The following CDH12 variants were observed in gnomAD, a reference collection of about 807,000 sequenced individuals.
CDH12 encodes the protein cadherin-12.
A neutral mutation model predicts 74.1 loss-of-function variants in CDH12; 41 were observed. The ratio of observed to expected loss-of-function variants is 0.55; its 90% CI spans 0.43 to 0.72. CDH12 has a LOEUF of 0.72. Ranked by LOEUF, CDH12 falls within the 30% of genes least tolerant of loss-of-function variation. The pLI, the probability that CDH12 is intolerant of heterozygous loss-of-function variation, is 0.00. For synonymous variants in CDH12, 399 were observed against 355.0 expected, an observed-to-expected ratio of 1.12 and a Z score of -1.39; for missense variants, 945 against 977.2, an observed-to-expected ratio of 0.97 and a Z score of 0.44.
In CDH12 at chr5:22,770,455, T is replaced by C. The variant is rs571525589; in HGVS notation, c.-523+82603A>G. Reference sequence around the variant, plus strand: ...GCAAGAATTGAGTTTTTTGGTCCATTACAACCATAAAAATTCAAATAAAGT... The same window carrying C: ...GCAAGAATTGAGTTTTTTGGTCCATCACAACCATAAAAATTCAAATAAAGT... On this transcript the variant is annotated intron_variant, in intron 1 of 14. Coordinates refer to ENST00000382254, the MANE Select transcript of CDH12 (RefSeq NM_004061.5). 3.3e-5 allele frequency among the ~76,000 whole-genome samples: 5 copies of C among 152,280 alleles called. No homozygotes were observed. The East Asian group carries it at 9.6e-4, about 29-fold the overall frequency.
chr5:21,800,909 T>C (rs749948827), intron 10 of CDH12, among the ~76,000 whole-genome samples: 5 of 152,188 alleles, frequency 3.3e-5, no homozygotes, highest in African/African-American at 4.8e-5. Flanking sequence ...CCTTCCGCCA[T>C]GATTGTAAGT....
chr5:21,987,389 C>A (rs1026622417), intron 5 of CDH12, among the ~76,000 whole-genome samples: 9 of 152,048 alleles, frequency 5.9e-5, no homozygotes, highest in Admixed American at 1.3e-4. Context: ...GACAAAATGA[C>A]CTATGAATCA....
chr5:21,794,577 CCTT>C (rs1170691057), intron 10 of CDH12, among the ~76,000 whole-genome samples: 1 of 151,592 alleles, frequency 6.6e-6, no homozygotes, highest in East Asian at 1.9e-4. Flanking sequence ...CCATATCAAA[CCTT>C]CTGTTTTTCT....
chr5:22,562,089 G>A (rs1244545447), intron 1 of CDH12, among the ~76,000 whole-genome samples: 1 of 152,002 alleles, frequency 6.6e-6, no homozygotes, highest in Non-Finnish European at 1.5e-5. Context: ...AGGCCGAGGC[G>A]GGCGGATCAT....
At chr5:22,734,274 A>G (rs1478769975) in intron 1 of CDH12, among the ~76,000 whole-genome samples, 1 of 151,930 alleles carries the variant, frequency 6.6e-6, no homozygotes, top group Non-Finnish European at 1.5e-5. Flanking sequence ...GTAATTGTTC[A>G]GAATTTGGCT....
In CDH12 at chr5:21,754,124, TC is replaced by T. The variant is rs1744248993; in HGVS notation, c.1885+1466del. The stretch of plus-strand genomic sequence containing the variant: ...GGACAGGCAGTTGCTGGGCAGATGT[TC>T]CGGCAGAAATGATTTTGTATAAGGT... On this transcript the variant is annotated intron_variant, in intron 14 of 14. Coordinates refer to ENST00000382254, the MANE Select transcript of CDH12 (RefSeq NM_004061.5). Among the ~76,000 whole-genome samples the T allele has an allele frequency of 3.3e-5, 5 of 152,284 alleles. No individual in the cohort carries two copies. The Middle Eastern group carries it at 0.017, about 518-fold the overall frequency.
At chr5:22,450,031 T>C (rs1446052373) in intron 2 of CDH12, among the ~76,000 whole-genome samples, 1 of 152,040 alleles carries the variant, frequency 6.6e-6, no homozygotes, top group East Asian at 1.9e-4. Context: ...AAAAATACAA[T>C]AGATTAAACA....
At chr5:22,787,900 G>C (rs1240959883) in intron 1 of CDH12, among the ~76,000 whole-genome samples, 1 of 152,046 alleles carries the variant, frequency 6.6e-6, no homozygotes. Context: ...AGAAAAACCA[G>C]GTTTTTCTTG....
At chr5:22,135,209 C>CAAAAAAAAA (rs5866550) in intron 4 of CDH12, among the ~76,000 whole-genome samples, 10 of 119,340 alleles carry the variant, frequency 8.4e-5, no homozygotes, top group East Asian at 5.6e-4. Context: ...AACACATAAG[C>CAAAAAAAAA]AAAAAAAAAA....
intron 13 of CDH12, among the ~76,000 whole-genome samples, chr5:21,759,401 G>T (rs911352849): frequency 2.6e-5 from 4 of 151,288 alleles, no homozygotes; most frequent in African/African-American, 9.8e-5. Context: ...TGCAAACCAT[G>T]TCTCTCCCTC....
chr5:21,761,871 T>C (rs1744746679), intron 12 of CDH12, among the ~76,000 whole-genome samples: 1 of 152,190 alleles, frequency 6.6e-6, no homozygotes, highest in South Asian at 2.1e-4. Context: ...GTATGAATTT[T>C]GATTTCTTGT....
intron 2 of CDH12, among the ~76,000 whole-genome samples, chr5:22,498,671 A>C (rs965766397): frequency 6.6e-6 from 1 of 151,974 alleles, no homozygotes; most frequent in African/African-American, 2.4e-5. Context: ...TTATTTCTCA[A>C]ATCTAGTCTG....
chr5:22,391,729 C>T (rs1381137761), intron 3 of CDH12, among the ~76,000 whole-genome samples: 1 of 151,860 alleles, frequency 6.6e-6, no homozygotes, highest in African/African-American at 2.4e-5. Context: ...TGAATAAGCA[C>T]TCATTTAAAG....
chr5:22,497,638 C>CTTTTTTTTTTTTT (rs747466944), intron 2 of CDH12, among the ~76,000 whole-genome samples: 1 of 83,230 alleles, frequency 1.2e-5, no homozygotes, highest in Non-Finnish European at 2.1e-5. Context: ...TGTCGAATCT[C>CTTTTTTTTTTTTT]TTTTTTTTTT....
intron 9 of CDH12, among the ~76,000 whole-genome samples, chr5:21,813,212 C>T (rs11952635): frequency 0.58 from 88,745 of 152,006 alleles, 28,702 homozygotes; most frequent in Non-Finnish European, 0.72. Context: ...GGTGTGGTGG[C>T]TCATGCCTGT....
chr5:22,450,927 C>G (rs1203119028), intron 2 of CDH12, among the ~76,000 whole-genome samples: 9 of 132,582 alleles, frequency 6.8e-5, no homozygotes, highest in Admixed American at 6.4e-4. Flanking sequence ...ACTAGATTAT[C>G]TTTCTCAGAC....
At chr5:22,783,206 A>G (rs958894899) in intron 1 of CDH12, among the ~76,000 whole-genome samples, 1 of 152,140 alleles carries the variant, frequency 6.6e-6, no homozygotes, top group Non-Finnish European at 1.5e-5. Context: ...ATTTATAAAT[A>G]TGCACGTGCC....
intron 3 of CDH12, among the ~76,000 whole-genome samples, chr5:22,331,331 C>T (rs1022982861): frequency 3.0e-4 from 45 of 152,170 alleles, no homozygotes; most frequent in African/African-American, 9.6e-4. Flanking sequence ...CACGTGTGCT[C>T]GCATCACCAC....
chr5:21,838,103 G>A (rs868068702), intron 8 of CDH12, among the ~76,000 whole-genome samples: 1 of 152,048 alleles, frequency 6.6e-6, no homozygotes, highest in African/African-American at 2.4e-5. Flanking sequence ...CAGATTTTTT[G>A]TTAAGTCAGT....
Sources: gnomAD v4.1 joint callset for allele counts (sites outside exome capture counted in the v4.1 genomes callset) on GRCh38, gnomAD v4.1.1 for gene constraint, MANE v1.5 for transcripts, NCBI Gene and HGNC (gene_info 2026-07-23, HGNC 2026-07-21) for gene names.